Variants in PCDHA4 observed in about 807,000 individuals in gnomAD.
PCDHA4 encodes protocadherin alpha 4.
PCDHA4 carries 49 observed loss-of-function variants against 61.4 expected under a neutral mutation model. That is an observed-to-expected ratio of 0.80 (90% CI 0.63 to 1.01). The LOEUF is 1.01. Among genes scored for constraint, PCDHA4 ranks in the 50% least tolerant of loss-of-function variants. The probability of loss-of-function intolerance (pLI) is 0.00; values close to 1 mark genes in which losing one functional copy is unlikely to be tolerated. For synonymous variants in PCDHA4, 590 were observed against 550.3 expected, an observed-to-expected ratio of 1.07 and a Z score of -1.01; for missense variants, 1,254 against 1,235.8, an observed-to-expected ratio of 1.01 and a Z score of -0.22.
chr5:140,869,778 C>A (rs782226363), intron 1 of PCDHA4: 1 of 1,612,922 alleles, frequency 6.2e-7, no homozygotes, highest in Non-Finnish European at 8.5e-7. Context: ...TTACTGGCAC[C>A]GTTCGGCTGT....
chr5:140,858,857 T>G (rs1461225886), intron 1 of PCDHA4: 1 of 267,642 alleles, frequency 3.7e-6, no homozygotes, highest in African/African-American at 2.3e-5. Flanking sequence ...CTATATCTCT[T>G]CAGTGAAAAT....
Position 140,982,348 on chromosome 5 carries a change from T to C in PCDHA4, c.2445-127T>C, listed in dbSNP as rs1253085859. 9 of 1,495,962 alleles carry C rather than the reference T, an allele frequency of 6.0e-6. No homozygotes were observed. The Admixed American group carries it at 1.7e-4, about 28-fold the overall frequency. 92.7% of individuals were successfully genotyped at this position (1,495,962 alleles called of 1,614,324 possible). On this transcript the variant is annotated intron_variant, in intron 2 of 3. Transcript: ENST00000530339. Reference sequence around the variant, plus strand: ...ACTGCTCAGCAGTAATTGCTTCAGTTCAAGCATGAGCAGAATGTGTTAGCT... The same window carrying C: ...ACTGCTCAGCAGTAATTGCTTCAGTCCAAGCATGAGCAGAATGTGTTAGCT...
intron 1 of PCDHA4, chr5:140,825,971 A>G (rs1768773443): frequency 1.3e-5 from 2 of 152,276 alleles, no homozygotes; most frequent in South Asian, 4.1e-4. Flanking sequence ...TTTTGAGGGG[A>G]AAAGTATGGA....
chr5:140,858,852 T>A lies in PCDHA4; in HGVS notation c.2385+49280T>A, dbSNP rs1327075015. The A allele has an allele frequency of 2.5e-5, 7 of 281,540 alleles. 1 individual carries two copies. The highest frequency in any genetic ancestry group is 4.7e-5 in the Non-Finnish European group (7 of 148,550). The allele number at this position is 281,540 out of a possible 1,614,324, so 17.4% of individuals were successfully genotyped here. On this transcript the variant is annotated intron_variant, in intron 1 of 3. Coordinates refer to ENST00000530339, the MANE Select transcript of PCDHA4 (RefSeq NM_018907.4). ...TACCAAAAAATTCCACTGATCTATA[T>A]CTCTTCAGTGAAAATGTGTTTTCCT... is the stretch of plus-strand genomic sequence containing the variant.
chr5:140,829,749 T>A, intron 1 of PCDHA4: 1 of 1,613,676 alleles, frequency 6.2e-7, no homozygotes, highest in Non-Finnish European at 8.5e-7. Flanking sequence ...ACGCTGCAGG[T>A]GTTCGTGCTG....
At chr5:140,915,479 G>T (rs1170530979) in intron 1 of PCDHA4, among the ~76,000 whole-genome samples, 1 of 151,948 alleles carries the variant, frequency 6.6e-6, no homozygotes, top group African/African-American at 2.4e-5. Flanking sequence ...AAGGAGCTTG[G>T]GCCTCAATCC....
intron 1 of PCDHA4, among the ~76,000 whole-genome samples, chr5:140,946,311 T>C (rs896667905): frequency 6.6e-6 from 1 of 151,784 alleles, no homozygotes; most frequent in Non-Finnish European, 1.5e-5. Flanking sequence ...AGAATGGCTA[T>C]TATTGAAAGA....
chr5:140,843,146 T>C (rs2150353849), intron 1 of PCDHA4: 3 of 1,596,012 alleles, frequency 1.9e-6, no homozygotes, highest in Admixed American at 3.4e-5. Context: ...GTGGCTTTCG[T>C]ATGAGCTGCA....
chr5:140,843,328 G>T lies in PCDHA4; in HGVS notation c.2385+33756G>T, dbSNP rs2150357585. On this transcript the variant is annotated intron_variant, in intron 1 of 3. Coordinates refer to ENST00000530339, the MANE Select transcript of PCDHA4 (RefSeq NM_018907.4). ...CCACGGCCACGGTTCTGGTGTCGCT[G>T]GTGGAGAGCGGCCAGGCTCCAAAAG... 18 of 1,595,922 alleles carry T rather than the reference G, an allele frequency of 1.1e-5. 1 individual carries two copies. The South Asian group carries it at 1.7e-4, about 15-fold the overall frequency.
At chr5:140,958,069 A>C (rs2095407625) in intron 1 of PCDHA4, among the ~76,000 whole-genome samples, 1 of 152,104 alleles carries the variant, frequency 6.6e-6, no homozygotes. Flanking sequence ...AAAAACACAG[A>C]AGCAAAAAGT....
At chr5:140,828,813 C>T in intron 1 of PCDHA4, 1 of 1,614,220 alleles carries the variant, frequency 6.2e-7, no homozygotes. Flanking sequence ...AATGCTCCCA[C>T]TTTCGAACAG....
chr5:140,871,245 G>A, intron 1 of PCDHA4: 1 of 1,613,982 alleles, frequency 6.2e-7, no homozygotes, highest in Non-Finnish European at 8.5e-7. Flanking sequence ...TACTCACGCT[G>A]CTGCTGTATA....
At chr5:140,819,029 A>T (rs1307031526) in intron 1 of PCDHA4, among the ~76,000 whole-genome samples, 2 of 152,214 alleles carry the variant, frequency 1.3e-5, no homozygotes, top group Non-Finnish European at 2.9e-5. Context: ...ATTTTAGCAC[A>T]TTCCCTTATA....
chr5:140,881,336 G>C (rs2058671987), intron 1 of PCDHA4: 1 of 984,948 alleles, frequency 1.0e-6, no homozygotes. Context: ...CCAGGACGCC[G>C]ATTCGGGCTA....
At chr5:140,821,582 C>T in intron 1 of PCDHA4, 1 of 622,440 alleles carries the variant, frequency 1.6e-6, no homozygotes, top group Non-Finnish European at 2.6e-6. Flanking sequence ...AGGTTTTTCT[C>T]CCTTCCCAGC....
intron 1 of PCDHA4, among the ~76,000 whole-genome samples, chr5:140,974,864 C>T (rs949061887): frequency 6.6e-6 from 1 of 152,124 alleles, no homozygotes; most frequent in Non-Finnish European, 1.5e-5. Flanking sequence ...TGCCTTAATG[C>T]GGAACAGTCT....
chr5:140,913,036 A>G (rs2076178944), intron 1 of PCDHA4, among the ~76,000 whole-genome samples: 3 of 152,190 alleles, frequency 2.0e-5, no homozygotes, highest in African/African-American at 7.2e-5. Context: ...CATCAGATAT[A>G]TTGGCCTGGA....
chr5:140,886,127 C>T (rs1308479455), intron 1 of PCDHA4, among the ~76,000 whole-genome samples: 5 of 152,172 alleles, frequency 3.3e-5, no homozygotes, highest in African/African-American at 1.2e-4. Flanking sequence ...AGTTCCGTAA[C>T]AACCAGATTC....
At chr5:140,968,592 C>G (rs1554230905) in intron 1 of PCDHA4, 1 of 1,614,208 alleles carries the variant, frequency 6.2e-7, no homozygotes, top group African/African-American at 1.3e-5. Flanking sequence ...AAAGTCATAG[C>G]TATGGACTCA....
Sources: gnomAD v4.1 joint callset for allele counts (sites outside exome capture counted in the v4.1 genomes callset) on GRCh38, gnomAD v4.1.1 for gene constraint, MANE v1.5 for transcripts, NCBI Gene and HGNC (gene_info 2026-07-23, HGNC 2026-07-21) for gene names.